The following WIPF1 variants were observed in gnomAD, a reference collection of about 807,000 sequenced individuals.
The protein encoded by WIPF1 is WAS/WASL interacting protein family member 1, also known as WAS/WASL-interacting protein family member 1.
Under a neutral mutation model 35.4 loss-of-function variants are expected in WIPF1, and 13 were observed. That is an observed-to-expected ratio of 0.37 (90% CI 0.24 to 0.58). The LOEUF is 0.58. Ranked by LOEUF, WIPF1 falls within the 20% of genes least tolerant of loss-of-function variation. The pLI is 0.74. For missense variants in WIPF1, 591 were observed against 667.0 expected (o/e 0.89, Z 1.25); for synonymous variants, 267 against 266.3 (o/e 1.00, Z -0.02).
chr2:174,561,910 T>C lies in WIPF1; in HGVS notation c.*637A>G. On this transcript the variant is annotated 3_prime_UTR_variant, in exon 8 of 8. Transcript: ENST00000679041. ...CCAAAAAATAATATAAAATATCTCA[T>C]TAAAATTTTATGTTGATTACAGGTT... 4 of 748,828 alleles carry C rather than the reference T, an allele frequency of 5.3e-6. No homozygotes were observed. Among genetic ancestry groups the C allele is most frequent in the Non-Finnish European group, 8.3e-6 (4 of 479,892 alleles). The allele number at this position is 748,828 out of a possible 1,614,324, so 46.4% of individuals were successfully genotyped here. A position where few individuals can be genotyped will look rare whatever the true frequency, so the allele number is the denominator to read the frequency against.
rs2105804702 is a variant in WIPF1, at chr2:174,571,509, G to A, written c.1129+167C>T. On this transcript the variant is annotated intron_variant, in intron 5 of 7. Transcript: ENST00000679041. The surrounding 1 kb of genome is among the most constrained non-coding windows in gnomAD (Gnocchi z 4.6). ...AGAAATATTGGTCCCACTTTCCCCC[G>A]GGGTTTACACGAGGTCACGATCACA... is the stretch of plus-strand genomic sequence containing the variant. The A allele has an allele frequency of 2.2e-6, 2 of 889,600 alleles. No homozygotes were observed. Among genetic ancestry groups the A allele is most frequent in the Non-Finnish European group, 3.7e-6 (2 of 537,862 alleles). 55.1% of individuals were successfully genotyped at this position (889,600 alleles called of 1,614,324 possible). A position where few individuals can be genotyped will look rare whatever the true frequency, so the allele number is the denominator to read the frequency against.
In WIPF1 at chr2:174,622,406, T is replaced by C. The variant is rs946685433; in HGVS notation, c.-38-36795A>G. On this transcript the variant is annotated intron_variant, in intron 1 of 8. Transcript: ENST00000272746. The surrounding 1 kb of genome is among the most constrained non-coding windows in gnomAD (Gnocchi z 5.1). ...AATTTCATATGTTGTTGTACATTTT[T>C]TCTACTACACATTAAAACAAATACA... Among the ~76,000 whole-genome samples, 2 of 152,238 alleles carry C rather than the reference T, an allele frequency of 1.3e-5. No individual in the cohort carries two copies. Among genetic ancestry groups the C allele is most frequent in the Non-Finnish European group, 2.9e-5 (2 of 68,048 alleles).
intron 1 of WIPF1, chr2:174,634,597 G>A (rs1353630635): frequency 6.6e-6 from 1 of 152,212 alleles, no homozygotes; most frequent in Non-Finnish European, 1.5e-5. Context: ...TGTAAATGTT[G>A]CATGTGACAT....
intron 1 of WIPF1, among the ~76,000 whole-genome samples, chr2:174,638,604 C>T (rs191219505): frequency 4.8e-4 from 73 of 151,632 alleles, no homozygotes; most frequent in African/African-American, 1.8e-3. Flanking sequence ...ATGATATCAA[C>T]CTTTTTTTTT....
upstream of WIPF1, among the ~76,000 whole-genome samples, chr2:174,600,252 G>A (rs1685959177): frequency 6.6e-6 from 1 of 152,166 alleles, no homozygotes; most frequent in Non-Finnish European, 1.5e-5. Context: ...AGACATGCAA[G>A]GGAGTAGTTG....
chr2:174,567,219 A>G, intron 6 of WIPF1, 36 bp from the exon 7 acceptor site: 1 of 1,576,724 alleles, frequency 6.3e-7, no homozygotes, highest in Non-Finnish European at 8.7e-7. Context: ...TCAGTGACAG[A>G]CAATGTGCTA....
At chr2:174,629,634 C>T (rs1686953869) in intron 1 of WIPF1, 1 of 152,248 alleles carries the variant, frequency 6.6e-6, no homozygotes, top group South Asian at 2.1e-4. Context: ...AGAATGTTCA[C>T]TTAGTTAGAT....
intron 1 of WIPF1, among the ~76,000 whole-genome samples, chr2:174,616,754 C>T (rs1686517823): frequency 6.6e-6 from 1 of 152,118 alleles, no homozygotes; most frequent in African/African-American, 2.4e-5. Context: ...GAACAGGTGG[C>T]AACTGCTACC....
chr2:174,571,511 G>T lies in WIPF1; in HGVS notation c.1129+165C>A. The T allele has an allele frequency of 4.4e-6, 4 of 905,002 alleles. No homozygotes were observed. The highest frequency in any genetic ancestry group is 7.3e-6 in the Non-Finnish European group (4 of 549,756). 56.1% of individuals were successfully genotyped at this position (905,002 alleles called of 1,614,324 possible). A position where few individuals can be genotyped will look rare whatever the true frequency, so the allele number is the denominator to read the frequency against. On this transcript the variant is annotated intron_variant, in intron 5 of 7. Coordinates refer to ENST00000679041, the MANE Select transcript of WIPF1 (RefSeq NM_001375834.1). This position sits in a 1 kb window ranked among gnomAD's most constrained non-coding sequence, Gnocchi z 4.6. ...AAATATTGGTCCCACTTTCCCCCGG[G>T]GTTTACACGAGGTCACGATCACACG...
chr2:174,623,362 A>T (rs112238692), intron 1 of WIPF1: 2 of 152,188 alleles, frequency 1.3e-5, no homozygotes, highest in African/African-American at 4.8e-5. Flanking sequence ...TTCCCATCTG[A>T]AAGTTTGGGG....
intron 1 of WIPF1, among the ~76,000 whole-genome samples, chr2:174,648,915 G>A (rs1208346527): frequency 2.6e-5 from 4 of 152,150 alleles, no homozygotes; most frequent in South Asian, 2.1e-4. Context: ...AAAAGAATTC[G>A]GTTAGGAATT....
intron 1 of WIPF1, among the ~76,000 whole-genome samples, chr2:174,597,283 C>A (rs1685849843): frequency 6.6e-6 from 1 of 152,152 alleles, no homozygotes; most frequent in African/African-American, 2.4e-5. Context: ...GTATCATACA[C>A]CAAAAGGATA....
intron 1 of WIPF1, among the ~76,000 whole-genome samples, chr2:174,596,873 A>G (rs920251757): frequency 2.6e-5 from 4 of 152,202 alleles, no homozygotes; most frequent in Admixed American, 2.0e-4. Context: ...TATTCTAGAA[A>G]AAAGTTTTTT....
chr2:174,667,910 T>C (rs1559177335), intron 1 of WIPF1, among the ~76,000 whole-genome samples: 1 of 152,194 alleles, frequency 6.6e-6, no homozygotes, highest in Non-Finnish European at 1.5e-5. Context: ...CCAAAATGAC[T>C]TGAGCCAGAA....
At chr2:174,563,023 T>C (rs953246626) in intron 7 of WIPF1, among the ~76,000 whole-genome samples, 10 of 152,202 alleles carry the variant, frequency 6.6e-5, no homozygotes, top group Admixed American at 6.5e-4. Context: ...TTTGAACATC[T>C]TTCGAAGGCA....
Position 174,574,429 on chromosome 2 carries a change from C to A in WIPF1, c.358+775G>T, listed in dbSNP as rs562888581. Among the ~76,000 whole-genome samples the A allele has an allele frequency of 3.9e-5, 6 of 152,248 alleles. No individual in the cohort carries two copies. The East Asian group carries it at 1.2e-3, about 29-fold the overall frequency. On this transcript the variant is annotated intron_variant, in intron 4 of 7. Transcript: ENST00000679041. ...GCTAACCCTGAGGATTCAGTGATTC[C>A]ATATTCATGTAAATGTGAGAGTTTC...
At chr2:174,639,009 T>G (rs1687242704) in intron 1 of WIPF1, among the ~76,000 whole-genome samples, 1 of 152,186 alleles carries the variant, frequency 6.6e-6, no homozygotes, top group African/African-American at 2.4e-5. Flanking sequence ...TTTTTGTAAA[T>G]TCTTCCAGAT....
In WIPF1 at chr2:174,591,114, T is replaced by C. The variant is rs114470888; in HGVS notation, c.-38-5503A>G. Among the ~76,000 whole-genome samples, 621 of 152,344 alleles carry C rather than the reference T, an allele frequency of 4.1e-3. 4 individuals carry two copies. The highest frequency in any genetic ancestry group is 0.014 in the African/African-American group (594 of 41,590). On this transcript the variant is annotated intron_variant, in intron 1 of 7. Coordinates refer to ENST00000679041, the MANE Select transcript of WIPF1 (RefSeq NM_001375834.1). ...TACAAAGAGGAAGAGACATCAGGCA[T>C]GTGCTCACACAGAGGAAAGTCTTCA... is the stretch of plus-strand genomic sequence containing the variant.
chr2:174,649,928 T>TG (rs1370686202), intron 1 of WIPF1, among the ~76,000 whole-genome samples: 1 of 152,240 alleles, frequency 6.6e-6, no homozygotes, highest in Non-Finnish European at 1.5e-5. Context: ...CCTCCAGTCC[T>TG]GACAATAACA....
Sources: allele counts gnomAD v4.1 joint callset (sites outside exome capture counted in the v4.1 genomes callset), GRCh38; gene constraint gnomAD v4.1.1; non-coding constraint Gnocchi (gnomAD v3.1); transcripts MANE v1.5; gene names NCBI Gene and HGNC (gene_info 2026-07-23, HGNC 2026-07-21).